Variants in DPY19L3 observed in about 807,000 individuals in gnomAD.
The protein encoded by DPY19L3 is dpy-19 like C-mannosyltransferase 3, also known as protein C-mannosyl-transferase DPY19L3.
Under a neutral mutation model 92.3 loss-of-function variants are expected in DPY19L3, and 51 were observed. The observed-to-expected ratio is 0.55, with a 90% CI of 0.44 to 0.70. The LOEUF (loss-of-function observed/expected upper bound fraction) is 0.70, where lower values mean the gene tolerates loss of function less well. Ranked by LOEUF, DPY19L3 falls within the 30% of genes least tolerant of loss-of-function variation. The probability of loss-of-function intolerance (pLI) is 0.00; values close to 1 mark genes in which losing one functional copy is unlikely to be tolerated. For synonymous variants in DPY19L3, 309 were observed against 315.2 expected, an observed-to-expected ratio of 0.98 and a Z score of 0.21; for missense variants, 706 against 855.9, an observed-to-expected ratio of 0.82 and a Z score of 2.18.
chr19:32,455,110 A>G (rs887363655), intron 10 of DPY19L3, 70 bp downstream of exon 10: 1 of 1,075,806 alleles, frequency 9.3e-7, no homozygotes, highest in Non-Finnish European at 1.3e-6. Context: ...AATTTTTGAA[A>G]CTTTCTTTTT....
chr19:32,464,558 C>T lies in DPY19L3; in HGVS notation c.1558-170C>T, dbSNP rs991527289. On this transcript the variant is annotated intron_variant, in intron 14 of 18. Coordinates refer to ENST00000392250, the MANE Select transcript of DPY19L3 (RefSeq NM_001172774.2). ...GTAAGGCAGAAGTGTTTAAAAAAGC[C>T]GGGCACAGTGGCTCACTCCTATAAT... Among the ~76,000 whole-genome samples, 5 of 152,006 alleles carry T rather than the reference C, an allele frequency of 3.3e-5. 1 individual carries two copies. The South Asian group carries it at 6.2e-4, about 19-fold the overall frequency.
intron 8 of DPY19L3, among the ~76,000 whole-genome samples, chr19:32,442,156 A>G (rs559618549): frequency 6.6e-6 from 1 of 152,334 alleles, no homozygotes; most frequent in South Asian, 2.1e-4. Flanking sequence ...AAAAGGTAAT[A>G]CAAATTCAGA....
chr19:32,408,204 T>G lies in DPY19L3; in HGVS notation c.-37-13T>G, dbSNP rs759021789. Reference sequence around the variant, plus strand: ...AAGGCACTGACGTTGATGGCCTGTTTATTGCTATCTAGGAGTGATTTGGAG... The same window carrying G: ...AAGGCACTGACGTTGATGGCCTGTTGATTGCTATCTAGGAGTGATTTGGAG... On this transcript the variant is annotated splice_polypyrimidine_tract_variant and intron_variant, in intron 1 of 18. Transcript: ENST00000392250. 2.8e-5 allele frequency: 38 copies of G among 1,377,206 alleles called. No individual in the cohort carries two copies. Among genetic ancestry groups the G allele is most frequent in the Non-Finnish European group, 1.0e-6 (1 of 973,818 alleles). The allele number at this position is 1,377,206 out of a possible 1,614,324, so 85.3% of individuals were successfully genotyped here. A position where few individuals can be genotyped will look rare whatever the true frequency, so the allele number is the denominator to read the frequency against.
chr19:32,452,509 T>A (rs1254574256), intron 8 of DPY19L3, among the ~76,000 whole-genome samples: 1 of 152,154 alleles, frequency 6.6e-6, no homozygotes, highest in Non-Finnish European at 1.5e-5. Context: ...GTAACTGAAA[T>A]CATTGAAAAG....
intron 3 of DPY19L3, 81 bp downstream of exon 3, chr19:32,411,453 A>T: frequency 6.7e-7 from 1 of 1,499,996 alleles, no homozygotes; most frequent in African/African-American, 1.4e-5. Context: ...GACCAAGGCA[A>T]CACAGTTTTG....
At position 32,458,383 on chromosome 19, in the gene DPY19L3, A is replaced by C; in HGVS notation, c.1196A>C (p.Glu399Ala). ...DFDANLYLCE[E>A]AFGLLPFNTF... ...GATGCAAATCTCTATCTGTGTGAAG[A>C]AGCTTTTGGCCTCCTGCCTTTTAAT... The change falls in exon 12 of 19, where the codon GAA (glutamate) becomes GCA (alanine). Residue 399 changes from glutamate (E) to alanine (A), a missense_variant. Glu to Ala is a moderately radical substitution (Grantham distance 107, BLOSUM62 -1). Coordinates refer to ENST00000392250, the MANE Select transcript of DPY19L3 (RefSeq NM_001172774.2). The C allele has an allele frequency of 6.2e-7, 1 of 1,613,256 alleles. No individual in the cohort carries two copies. The highest frequency in any genetic ancestry group is 8.5e-7 in the Non-Finnish European group (1 of 1,179,856).
intron 16 of DPY19L3, 80 bp downstream of exon 16, chr19:32,468,893 TTTTG>T: frequency 7.2e-7 from 1 of 1,386,178 alleles, no homozygotes. Context: ...TTTGGGGGTT[TTTTG>T]TTTGTTTCTG....
intron 8 of DPY19L3, among the ~76,000 whole-genome samples, chr19:32,447,824 A>ATAGATAGATAGAT (rs1969563676): frequency 9.5e-6 from 1 of 104,784 alleles, no homozygotes. Context: ...GATTAGATAG[A>ATAGATAGATAGAT]TAGATAGATA....
At chr19:32,435,374 GGTT>G (rs745784784) in intron 4 of DPY19L3, among the ~76,000 whole-genome samples, 16 of 152,192 alleles carry the variant, frequency 1.1e-4, no homozygotes, top group Non-Finnish European at 2.4e-4. Flanking sequence ...GGAACATCTG[GGTT>G]GTTTTGGATC....
intron 15 of DPY19L3, chr19:32,467,638 A>C (rs1222170607): frequency 1.0e-5 from 10 of 987,498 alleles, no homozygotes. Flanking sequence ...TGCTGCTTTG[A>C]TTCTACTAGT....
intron 3 of DPY19L3, among the ~76,000 whole-genome samples, chr19:32,430,432 T>C (rs1292234394): frequency 6.6e-6 from 1 of 152,054 alleles, no homozygotes; most frequent in East Asian, 1.9e-4. Context: ...TTTTAAATGC[T>C]TGATTTCCCC....
chr19:32,438,999 C>A (rs1199325345), intron 6 of DPY19L3, 113 bp from the exon 7 acceptor site: 3 of 1,127,908 alleles, frequency 2.7e-6, no homozygotes, highest in South Asian at 1.6e-5. Flanking sequence ...GAACCAGTGG[C>A]CAGAATCTTA....
intron 3 of DPY19L3, among the ~76,000 whole-genome samples, chr19:32,420,422 T>A (rs1968529251): frequency 6.6e-6 from 1 of 151,480 alleles, no homozygotes; most frequent in Non-Finnish European, 1.5e-5. Flanking sequence ...GCATTTTAAG[T>A]GATTTTTGTT....
At chr19:32,422,991 A>G (rs1287497702) in intron 3 of DPY19L3, among the ~76,000 whole-genome samples, 2 of 152,226 alleles carry the variant, frequency 1.3e-5, no homozygotes, top group African/African-American at 4.8e-5. Flanking sequence ...ATTCCATTGC[A>G]TATAAAGATG....
chr19:32,474,495 G>C (rs1266097295), intron 16 of DPY19L3, among the ~76,000 whole-genome samples: 2 of 152,202 alleles, frequency 1.3e-5, no homozygotes, highest in Non-Finnish European at 2.9e-5. Context: ...TTAGCTGAAG[G>C]CTTGCAGTAA....
At chr19:32,462,965 G>C (rs1970085181) in intron 12 of DPY19L3, among the ~76,000 whole-genome samples, 3 of 152,108 alleles carry the variant, frequency 2.0e-5, no homozygotes, top group Admixed American at 2.0e-4. Flanking sequence ...TGAATTCCAA[G>C]TTAATGGATG....
chr19:32,451,190 A>G (rs1344399291), intron 8 of DPY19L3, among the ~76,000 whole-genome samples: 1 of 152,238 alleles, frequency 6.6e-6, no homozygotes, highest in Non-Finnish European at 1.5e-5. Context: ...GGAATGTTAC[A>G]TAACCATTTA....
In DPY19L3 at chr19:32,439,145, A is replaced by T. The variant is rs747498451; in HGVS notation, c.630A>T (p.Pro210=). The T allele has an allele frequency of 5.0e-6, 8 of 1,613,526 alleles. No homozygotes were observed. The Admixed American group carries it at 1.3e-4, about 27-fold the overall frequency. The change falls in exon 7 of 19, where the codon CCA becomes CCT. Residue 210 remains proline, a synonymous_variant. Coordinates refer to ENST00000392250, the MANE Select transcript of DPY19L3 (RefSeq NM_001172774.2). ...CCACAAGAGTTGAGTTTACCATCCC[A>T]CTGAGGGAGAACTGGGCGCTGCCAT... ...IDTTRVEFTI[P]LRENWALPFF...
At chr19:32,447,732 GATAGA>G (rs1274635594) in intron 8 of DPY19L3, among the ~76,000 whole-genome samples, 1 of 123,816 alleles carries the variant, frequency 8.1e-6, no homozygotes, top group Admixed American at 8.4e-5. Context: ...TAGATAGATA[GATAGA>G]TAGATAGATA....
Sources: gnomAD v4.1 joint callset for allele counts (sites outside exome capture counted in the v4.1 genomes callset) on GRCh38, gnomAD v4.1.1 for gene constraint, MANE v1.5 for transcripts, NCBI Gene and HGNC (gene_info 2026-07-23, HGNC 2026-07-21) for gene names.